The following RASGRF2 variants were observed in gnomAD, a reference collection of about 807,000 sequenced individuals.
RASGRF2 encodes ras-specific guanine nucleotide-releasing factor 2.
RASGRF2 carries 76 observed loss-of-function variants against 151.0 expected under a neutral mutation model. That is an observed-to-expected ratio of 0.50 (90% CI 0.42 to 0.61). The LOEUF (loss-of-function observed/expected upper bound fraction) is 0.61. Among genes scored for constraint, RASGRF2 ranks in the 20% least tolerant of loss-of-function variants. The probability of loss-of-function intolerance (pLI) is 0.00; values close to 1 mark genes in which losing one functional copy is unlikely to be tolerated. For synonymous variants in RASGRF2, 504 were observed against 566.5 expected (o/e 0.89, Z 1.57); for missense variants, 1,148 against 1,564.6 (o/e 0.73, Z 4.49).
chr5:80,967,618 A>T (rs1211681560), intron 1 of RASGRF2, among the ~76,000 whole-genome samples: 4 of 152,180 alleles, frequency 2.6e-5, no homozygotes, highest in Non-Finnish European at 5.9e-5. Flanking sequence ...TTTAATTTAG[A>T]CATGCCTGAT....
chr5:80,971,970 A>T (rs1747951654), intron 1 of RASGRF2, among the ~76,000 whole-genome samples: 2 of 151,040 alleles, frequency 1.3e-5, no homozygotes, highest in South Asian at 4.2e-4. Flanking sequence ...GTTGGGCTTA[A>T]GTGATCCTCC....
At position 80,960,971 on chromosome 5, in the gene RASGRF2, C is replaced by T. The variant is rs1747530275; in HGVS notation, c.233C>T (p.Ala78Val). 1.3e-6 allele frequency: 2 copies of T among 1,561,486 alleles called. No individual in the cohort carries two copies. The highest frequency in any genetic ancestry group is 1.4e-5 in the African/African-American group (1 of 73,718). Residue 78 changes from alanine to valine, a missense_variant, in exon 1 of 27, where the codon GCG (alanine) becomes GTG (valine). Around this residue, in one of 5 missense-constraint regions of RASGRF2, gnomAD observed 221 missense variants for 271.3 expected, o/e 0.81. Transcript: ENST00000265080. The surrounding 1 kb of genome is among the most constrained non-coding windows in gnomAD (Gnocchi z 5.5). Reference protein sequence around the residue: ...LEGCSCERTPAPPRAGAGQGG... With the variant: ...LEGCSCERTPVPPRAGAGQGG... The stretch of plus-strand genomic sequence containing the variant: ...GGCTGCAGCTGCGAACGAACGCCCG[C>T]GCCACCCAGGGCCGGCGCCGGGCAG...
intron 1 of RASGRF2, among the ~76,000 whole-genome samples, chr5:81,016,050 G>A (rs1407033101): frequency 6.6e-6 from 1 of 152,154 alleles, no homozygotes; most frequent in East Asian, 1.9e-4. Flanking sequence ...TCATATGTGC[G>A]CTCAGTCAGT....
intron 9 of RASGRF2, 86 bp downstream of exon 9, chr5:81,087,039 A>G: frequency 7.9e-7 from 1 of 1,263,440 alleles, no homozygotes; most frequent in Non-Finnish European, 1.1e-6. Context: ...CGTTCTGAAC[A>G]GGCGTGACGG....
chr5:81,154,827 A>G (rs1324951130), intron 17 of RASGRF2, among the ~76,000 whole-genome samples: 1 of 152,086 alleles, frequency 6.6e-6, no homozygotes, highest in Non-Finnish European at 1.5e-5. Flanking sequence ...ACCATATGGT[A>G]GTTCTATTTT....
At chr5:81,175,395 A>G (rs1754751874) in intron 17 of RASGRF2, among the ~76,000 whole-genome samples, 1 of 152,164 alleles carries the variant, frequency 6.6e-6, no homozygotes, top group South Asian at 2.1e-4. Flanking sequence ...TCCAGTTGTA[A>G]TCCAAGTGCA....
At chr5:81,017,915 T>C (rs1749692907) in intron 1 of RASGRF2, among the ~76,000 whole-genome samples, 1 of 151,928 alleles carries the variant, frequency 6.6e-6, no homozygotes, top group African/African-American at 2.4e-5. Flanking sequence ...CTGGCCAACA[T>C]GGCAAAACCC....
chr5:81,211,797 A>G (rs754588627), intron 22 of RASGRF2, among the ~76,000 whole-genome samples: 2 of 152,164 alleles, frequency 1.3e-5, no homozygotes, highest in Admixed American at 6.5e-5. Context: ...CCTCAAAACT[A>G]TAGGTCCTTT....
chr5:80,961,186 C>G (rs545411135), intron 1 of RASGRF2, among the ~76,000 whole-genome samples, 160 bp downstream of exon 1: 30 of 152,324 alleles, frequency 2.0e-4, no homozygotes, highest in African/African-American at 6.5e-4. Context: ...ACGCTCCTTC[C>G]GATCTTCATC....
In RASGRF2 at chr5:81,087,429, T is replaced by G. The variant is rs1442240748; in HGVS notation, c.1390+476T>G. On this transcript the variant is annotated intron_variant, in intron 9 of 26. Transcript: ENST00000265080. ...CCGGATCCGCCCCACACGATATAAT[T>G]TGATTCAACTGGTAACTCCCGTTGC... 6.0e-6 allele frequency: 4 copies of G among 663,402 alleles called. No homozygotes were observed. The African/African-American group carries it at 7.1e-5, about 12-fold the overall frequency. The allele number at this position is 663,402 out of a possible 1,614,324, so 41.1% of individuals were successfully genotyped here.
In RASGRF2 at chr5:81,113,709, A is replaced by T. The variant is rs1239092607; in HGVS notation, c.2259A>T (p.Ser753=). Residue 753 remains serine, a synonymous_variant, in exon 15 of 27, where the codon TCA becomes TCT. Transcript: ENST00000265080. ...TGTCTTTGACTTCTCCCTTGAACTC[A>T]AAGATAGGAGCATTGGACCTGACAA... ...RKLSLTSPLN[S]KIGALDLTTS... The T allele has an allele frequency of 6.2e-7, 1 of 1,613,792 alleles. No homozygotes were observed. Among genetic ancestry groups the T allele is most frequent in the African/African-American group, 1.3e-5 (1 of 75,018 alleles).
At chr5:81,082,785 G>A (rs1661370093) in intron 7 of RASGRF2, among the ~76,000 whole-genome samples, 1 of 152,244 alleles carries the variant, frequency 6.6e-6, no homozygotes, top group Non-Finnish European at 1.5e-5. Flanking sequence ...CAGCTTGTGG[G>A]AGGCTTTGAT....
At chr5:81,143,202 G>A (rs1022506673) in intron 17 of RASGRF2, among the ~76,000 whole-genome samples, 1 of 151,958 alleles carries the variant, frequency 6.6e-6, no homozygotes, top group Non-Finnish European at 1.5e-5. Context: ...AGGCTAGAGT[G>A]CAGTGGCGCA....
chr5:81,053,813 C>T (rs1023295727), intron 2 of RASGRF2, among the ~76,000 whole-genome samples: 1 of 152,186 alleles, frequency 6.6e-6, no homozygotes, highest in Non-Finnish European at 1.5e-5. Context: ...TTAATGATCA[C>T]CATTCTAACT....
intron 1 of RASGRF2, among the ~76,000 whole-genome samples, chr5:81,026,221 C>CT (rs966625446): frequency 1.3e-5 from 2 of 150,706 alleles, no homozygotes; most frequent in East Asian, 2.0e-4. Context: ...TCCTATCTTC[C>CT]TTTTTTTCTA....
At chr5:80,994,883 T>C (rs1431935721) in intron 1 of RASGRF2, among the ~76,000 whole-genome samples, 1 of 152,194 alleles carries the variant, frequency 6.6e-6, no homozygotes, top group Non-Finnish European at 1.5e-5. Context: ...TAAGTGCTCA[T>C]CTCCCTGAAT....
rs552030925 is a variant in RASGRF2 at position 80,969,592 on chromosome 5, G to T, written c.288+8566G>T. Among the ~76,000 whole-genome samples, 395 of 151,026 alleles carry T rather than the reference G, an allele frequency of 2.6e-3. 2 individuals are homozygous for T. Among genetic ancestry groups the T allele is most frequent in the African/African-American group, 9.3e-3 (380 of 41,044 alleles). ...GCCTCCCAAGTAGCTGGGACTACAG[G>T]CACCCGCCACCACGCCCGGCTAATT... On this transcript the variant is annotated intron_variant, in intron 1 of 26. Transcript: ENST00000265080.
chr5:81,212,589 T>G, intron 23 of RASGRF2, 26 bp downstream of exon 23: 1 of 1,573,910 alleles, frequency 6.4e-7, no homozygotes, highest in Non-Finnish European at 8.7e-7. Context: ...TGACACAGCC[T>G]GCTGCTAAGA....
At chr5:81,129,593 C>T (rs906739317) in intron 17 of RASGRF2, among the ~76,000 whole-genome samples, 1 of 152,130 alleles carries the variant, frequency 6.6e-6, no homozygotes. Flanking sequence ...CCCCAAAAGT[C>T]CCATCAGAAT....
Sources: allele counts gnomAD v4.1 joint callset (sites outside exome capture counted in the v4.1 genomes callset), GRCh38; gene constraint gnomAD v4.1.1; regional missense constraint gnomAD v4.1.1; non-coding constraint Gnocchi (gnomAD v3.1); transcripts MANE v1.5; gene names NCBI Gene and HGNC (gene_info 2026-07-23, HGNC 2026-07-21).